Variants in CDYL2 observed in about 807,000 individuals in gnomAD.
CDYL2 encodes chromodomain Y like 2, also known as chromodomain Y-like protein 2.
CDYL2 carries 23 observed loss-of-function variants against 49.4 expected under a neutral mutation model. That is an observed-to-expected ratio of 0.47 (90% CI 0.34 to 0.66). CDYL2 has a LOEUF of 0.66. Ranked by LOEUF, CDYL2 falls within the 30% of genes least tolerant of loss-of-function variation. The pLI, the probability that CDYL2 is intolerant of heterozygous loss-of-function variation, is 0.01. For missense variants in CDYL2, 678 were observed against 656.4 expected (o/e 1.03, Z -0.36); for synonymous variants, 360 against 268.8 (o/e 1.34, Z -3.32).
intron 1 of CDYL2, among the ~76,000 whole-genome samples, chr16:80,694,371 T>C (rs969581745): frequency 6.6e-6 from 1 of 152,172 alleles, no homozygotes; most frequent in Non-Finnish European, 1.5e-5. Flanking sequence ...CTGCTCTAGT[T>C]GGTAAAATTG....
In CDYL2 at chr16:80,769,492, G is replaced by C. The variant is rs143650902; in HGVS notation, c.24+34658C>G. On this transcript the variant is annotated intron_variant, in intron 1 of 6. Coordinates refer to ENST00000570137, the MANE Select transcript of CDYL2 (RefSeq NM_152342.4). The stretch of plus-strand genomic sequence containing the variant: ...AAGAAGAGTTACTCTATTGCTAGCT[G>C]CCAGTGACGACAGCCAAGTGGGTTA... Among the ~76,000 whole-genome samples the C allele has an allele frequency of 4.3e-4, 65 of 152,316 alleles. No homozygotes were observed. The Middle Eastern group carries it at 0.01, about 24-fold the overall frequency.
At chr16:80,797,787 A>T (rs962938743) in intron 1 of CDYL2, among the ~76,000 whole-genome samples, 3 of 152,150 alleles carry the variant, frequency 2.0e-5, no homozygotes, top group Non-Finnish European at 4.4e-5. Flanking sequence ...CTCCATCGCC[A>T]TTACCACTCC....
At chr16:80,672,870 TGTC>T (rs1909586873) in intron 2 of CDYL2, among the ~76,000 whole-genome samples, 1 of 152,214 alleles carries the variant, frequency 6.6e-6, no homozygotes, top group Non-Finnish European at 1.5e-5. Context: ...TTGCTGTTAT[TGTC>T]ATTATTAACA....
chr16:80,619,008 G>A (rs921889721), intron 4 of CDYL2, among the ~76,000 whole-genome samples: 1 of 152,190 alleles, frequency 6.6e-6, no homozygotes, highest in Non-Finnish European at 1.5e-5. Flanking sequence ...TCAAGGTGTT[G>A]GCAGGGCTGG....
chr16:80,741,978 T>C lies in CDYL2; in HGVS notation c.25-56849A>G, dbSNP rs115152188. Reference sequence around the variant, plus strand: ...CAGAACAATGTGCAAGGTTTCAACATCACCACGTTATGGGAACCATGTGCA... The same window carrying C: ...CAGAACAATGTGCAAGGTTTCAACACCACCACGTTATGGGAACCATGTGCA... On this transcript the variant is annotated intron_variant, in intron 1 of 6. Transcript: ENST00000570137. 387 of 152,370 alleles carry C rather than the reference T, an allele frequency of 2.5e-3. 1 individual carries two copies. Among genetic ancestry groups the C allele is most frequent in the African/African-American group, 8.9e-3 (372 of 41,592 alleles). 9.4% of individuals were successfully genotyped at this position (152,370 alleles called of 1,614,324 possible).
intron 3 of CDYL2, among the ~76,000 whole-genome samples, chr16:80,621,267 C>A (rs967487675): frequency 6.6e-6 from 1 of 152,230 alleles, no homozygotes; most frequent in Non-Finnish European, 1.5e-5. Context: ...CTGGCATTTG[C>A]TTATTTAGCC....
intron 1 of CDYL2, among the ~76,000 whole-genome samples, chr16:80,707,921 C>G (rs1362940296): frequency 6.6e-6 from 1 of 152,148 alleles, no homozygotes; most frequent in Non-Finnish European, 1.5e-5. Flanking sequence ...AAGTTTTTTT[C>G]TCTCCAGTAG....
At chr16:80,645,500 G>T (rs1383832429) in intron 2 of CDYL2, among the ~76,000 whole-genome samples, 1 of 152,182 alleles carries the variant, frequency 6.6e-6, no homozygotes, top group African/African-American at 2.4e-5. Context: ...TGCTGGAGAG[G>T]ATGTGGAGAA....
intron 1 of CDYL2, among the ~76,000 whole-genome samples, chr16:80,722,689 A>T (rs1172954180): frequency 6.6e-6 from 1 of 152,216 alleles, no homozygotes; most frequent in Non-Finnish European, 1.5e-5. Flanking sequence ...GCCCTTTTCA[A>T]AACACCACAC....
chr16:80,680,686 A>T (rs1377637781), intron 2 of CDYL2, among the ~76,000 whole-genome samples: 1 of 152,224 alleles, frequency 6.6e-6, no homozygotes, highest in African/African-American at 2.4e-5. Flanking sequence ...TTGAAGGACC[A>T]GATCACATTC....
At chr16:80,760,015 C>T (rs1421629888) in intron 1 of CDYL2, among the ~76,000 whole-genome samples, 2 of 152,176 alleles carry the variant, frequency 1.3e-5, no homozygotes, top group Non-Finnish European at 2.9e-5. Context: ...ATTAGTACCC[C>T]AGTTTGAAAC....
chr16:80,612,285 G>A lies in CDYL2; in HGVS notation c.1218+341C>T, dbSNP rs1264515571. Among the ~76,000 whole-genome samples the A allele has an allele frequency of 6.6e-6, 1 of 152,158 alleles. No homozygotes were observed. The highest frequency in any genetic ancestry group is 2.4e-5 in the African/African-American group (1 of 41,438). On this transcript the variant is annotated intron_variant, in intron 5 of 6. Coordinates refer to ENST00000570137, the MANE Select transcript of CDYL2 (RefSeq NM_152342.4). This position sits in a 1 kb window ranked among gnomAD's most constrained non-coding sequence, Gnocchi z 5.0. ...GTGGGTGGCCCCTACACCTATGCTG[G>A]ACCACTCAAGAGGATGAAGGCAAGT... is the stretch of plus-strand genomic sequence containing the variant.
At chr16:80,712,247 G>A (rs992685310) in intron 1 of CDYL2, among the ~76,000 whole-genome samples, 3 of 136,078 alleles carry the variant, frequency 2.2e-5, no homozygotes, top group Non-Finnish European at 4.8e-5. Context: ...TGATTTAACT[G>A]AATGCAATTA....
chr16:80,678,655 CT>C (rs949386993), intron 2 of CDYL2, among the ~76,000 whole-genome samples: 1 of 148,952 alleles, frequency 6.7e-6, no homozygotes, highest in Non-Finnish European at 1.5e-5. Context: ...CACTTTTACA[CT>C]GTTGGTGGGA....
At chr16:80,666,485 G>C (rs777899596) in intron 2 of CDYL2, among the ~76,000 whole-genome samples, 4 of 152,160 alleles carry the variant, frequency 2.6e-5, no homozygotes, top group Non-Finnish European at 5.9e-5. Context: ...CCCTTCATGG[G>C]GGAGGGAGCC....
Position 80,656,426 on chromosome 16 carries a change from C to A in CDYL2, c.617-23190G>T, listed in dbSNP as rs371643382. 2.9e-4 allele frequency among the ~76,000 whole-genome samples: 44 copies of A among 152,364 alleles called. 1 individual carries two copies. In the South Asian group the frequency reaches 8.5e-3, roughly 29 times the overall value. The stretch of plus-strand genomic sequence containing the variant: ...GCCTGCATTCAGATCCCACATCCCC[C>A]TCATGGGCTGCAGGGCTGGACAACT... On this transcript the variant is annotated intron_variant, in intron 2 of 6. Coordinates refer to ENST00000570137, the MANE Select transcript of CDYL2 (RefSeq NM_152342.4).
chr16:80,621,638 T>C (rs1041668357), intron 3 of CDYL2, among the ~76,000 whole-genome samples: 1 of 152,226 alleles, frequency 6.6e-6, no homozygotes, highest in Non-Finnish European at 1.5e-5. Context: ...CACCTGCAGG[T>C]TCACATTCCT....
rs908898451 is a variant in CDYL2, at chr16:80,669,308, T to G, written c.616+15230A>C. Among the ~76,000 whole-genome samples the G allele has an allele frequency of 6.6e-5, 10 of 152,136 alleles. No homozygotes were observed. In the South Asian group the frequency reaches 2.1e-3, roughly 32 times the overall value. Reference sequence around the variant, plus strand: ...AGGGGAAGCAGATACGACGATATATTGACCCCCAAGGCCCCACAGCCCAGG... The same window carrying G: ...AGGGGAAGCAGATACGACGATATATGGACCCCCAAGGCCCCACAGCCCAGG... On this transcript the variant is annotated intron_variant, in intron 2 of 6. Coordinates refer to ENST00000570137, the MANE Select transcript of CDYL2 (RefSeq NM_152342.4).
At chr16:80,724,524 C>T (rs1905104230) in intron 1 of CDYL2, among the ~76,000 whole-genome samples, 1 of 152,206 alleles carries the variant, frequency 6.6e-6, no homozygotes, top group Non-Finnish European at 1.5e-5. Context: ...AGACCCCTAA[C>T]ACTCTCCACC....
Sources: gnomAD v4.1 joint callset for allele counts (sites outside exome capture counted in the v4.1 genomes callset) on GRCh38, gnomAD v4.1.1 for gene constraint, Gnocchi (gnomAD v3.1) non-coding constraint, MANE v1.5 for transcripts, NCBI Gene and HGNC (gene_info 2026-07-23, HGNC 2026-07-21) for gene names.